ATP6V1A: variants seen among roughly 807,000 people sequenced by gnomAD.
The protein encoded by ATP6V1A is V-type proton ATPase catalytic subunit A.
In ATP6V1A, 18 loss-of-function variants were observed where a neutral mutation model predicts 70.1. That is an observed-to-expected ratio of 0.26 (90% confidence interval 0.18 to 0.38). ATP6V1A has a LOEUF of 0.38. Ranked by LOEUF, ATP6V1A falls within the 10% of genes least tolerant of loss-of-function variation. The pLI is 1.00. For missense variants in ATP6V1A, 424 were observed against 772.4 expected, an observed-to-expected ratio of 0.55 and a Z score of 5.35; for synonymous variants, 232 against 253.8, an observed-to-expected ratio of 0.91 and a Z score of 0.82.
chr3:113,752,264 AGTTT>A (rs1708596194), intron 1 of ATP6V1A, among the ~76,000 whole-genome samples: 1 of 151,906 alleles, frequency 6.6e-6, no homozygotes, highest in Admixed American at 6.6e-5. Flanking sequence ...TTTAGTTCTT[AGTTT>A]AATTTTTTTA....
chr3:113,792,288 CAT>C (rs1252398773), intron 8 of ATP6V1A, among the ~76,000 whole-genome samples: 2 of 151,870 alleles, frequency 1.3e-5, no homozygotes, highest in Non-Finnish European at 2.9e-5. Context: ...CATCCTTAAA[CAT>C]ATATTTTTAC....
intron 1 of ATP6V1A, among the ~76,000 whole-genome samples, chr3:113,769,304 T>G (rs1421579527): frequency 1.3e-5 from 2 of 152,226 alleles, no homozygotes; most frequent in African/African-American, 4.8e-5. Flanking sequence ...TCTAAAAAGA[T>G]TAACAGTGTG....
At chr3:113,763,153 C>T (rs778684770) in intron 1 of ATP6V1A, among the ~76,000 whole-genome samples, 13 of 151,950 alleles carry the variant, frequency 8.6e-5, no homozygotes, top group African/African-American at 2.4e-4. Flanking sequence ...AGTGCAGTGG[C>T]GCAATCTCGG....
intron 1 of ATP6V1A, among the ~76,000 whole-genome samples, chr3:113,766,812 TCGATGG>T (rs2108016385): frequency 6.6e-6 from 1 of 152,268 alleles, no homozygotes; most frequent in African/African-American, 2.4e-5. Context: ...GCCATTGCTT[TCGATGG>T]CAAAACAGCA....
At chr3:113,764,396 A>C (rs2566966) in intron 1 of ATP6V1A, among the ~76,000 whole-genome samples, 123 of 152,358 alleles carry the variant, frequency 8.1e-4, no homozygotes, top group African/African-American at 2.6e-3. Context: ...TGTGTAGCGC[A>C]TAGAAAAATT....
At chr3:113,779,322 T>C (rs1189067537) in intron 2 of ATP6V1A, among the ~76,000 whole-genome samples, 1 of 152,244 alleles carries the variant, frequency 6.6e-6, no homozygotes, top group Non-Finnish European at 1.5e-5. Context: ...CATTATTAAC[T>C]ACCTGTGGGA....
Position 113,784,690 on chromosome 3 carries a change from C to G in ATP6V1A, c.427-6C>G, listed in dbSNP as rs763363734. 1 of 1,613,546 alleles carries G rather than the reference C, an allele frequency of 6.2e-7. No individual in the cohort carries two copies. Among genetic ancestry groups the G allele is most frequent in the South Asian group, 1.1e-5 (1 of 91,000 alleles). Reference sequence around the variant, plus strand: ...CAAATTAAACAGCAAATACATTTATCTCTAGGTTGGTAGTCATATCACTGG... The same window carrying G: ...CAAATTAAACAGCAAATACATTTATGTCTAGGTTGGTAGTCATATCACTGG... On this transcript the variant is annotated splice_region_variant and splice_polypyrimidine_tract_variant and intron_variant, in intron 4 of 14. Coordinates refer to ENST00000273398, the MANE Select transcript of ATP6V1A (RefSeq NM_001690.4).
At chr3:113,759,288 T>G (rs1240099922) in intron 1 of ATP6V1A, among the ~76,000 whole-genome samples, 4 of 61,156 alleles carry the variant, frequency 6.5e-5, no homozygotes, top group Non-Finnish European at 7.5e-5. Flanking sequence ...TAGTTACGGG[T>G]TTTTTTTTTT....
chr3:113,779,427 A>T (rs1708954961), intron 2 of ATP6V1A, among the ~76,000 whole-genome samples: 1 of 152,174 alleles, frequency 6.6e-6, no homozygotes, highest in South Asian at 2.1e-4. Flanking sequence ...TTGTTTTGTT[A>T]TTGAATACTC....
At chr3:113,781,019 A>C (rs748899754) in intron 2 of ATP6V1A, 31 bp from the exon 3 acceptor site, 1 of 1,574,724 alleles carries the variant, frequency 6.4e-7, no homozygotes, top group Non-Finnish European at 8.6e-7. Context: ...TAGAGTCTTA[A>C]GTCATCAAAA....
chr3:113,794,491 T>C (rs1709131383), intron 8 of ATP6V1A, among the ~76,000 whole-genome samples: 1 of 152,212 alleles, frequency 6.6e-6, no homozygotes, highest in Non-Finnish European at 1.5e-5. Flanking sequence ...CTTTACTCTG[T>C]CATTCTGAGC....
chr3:113,771,224 A>G (rs913698167), intron 1 of ATP6V1A, among the ~76,000 whole-genome samples: 5 of 152,224 alleles, frequency 3.3e-5, no homozygotes, highest in African/African-American at 9.6e-5. Context: ...TAAGCATTCA[A>G]TGATGAAGCA....
chr3:113,771,507 C>T (rs908625139), intron 1 of ATP6V1A, among the ~76,000 whole-genome samples: 3 of 148,864 alleles, frequency 2.0e-5, no homozygotes, highest in Non-Finnish European at 3.0e-5. Flanking sequence ...ACGTGATCAC[C>T]GCTTGCTGCA....
At chr3:113,801,937 A>C in intron 12 of ATP6V1A, among the ~76,000 whole-genome samples, 1 of 151,774 alleles carries the variant, frequency 6.6e-6, no homozygotes, top group African/African-American at 2.4e-5. Flanking sequence ...AAAAAACAAA[A>C]CTGGAGACCT....
chr3:113,748,157 C>T (rs1313791508), intron 1 of ATP6V1A, among the ~76,000 whole-genome samples: 4 of 152,108 alleles, frequency 2.6e-5, no homozygotes, highest in Non-Finnish European at 5.9e-5. Context: ...TCCCGGTGCC[C>T]TCTTCAGATT....
intron 1 of ATP6V1A, among the ~76,000 whole-genome samples, chr3:113,755,370 G>A (rs1246760051): frequency 1.1e-4 from 17 of 149,058 alleles, no homozygotes; most frequent in African/African-American, 3.7e-4. Flanking sequence ...TTGGGAGGCC[G>A]ATGCAGGCGG....
intron 1 of ATP6V1A, among the ~76,000 whole-genome samples, chr3:113,751,014 A>G (rs1297618765): frequency 6.6e-6 from 1 of 152,172 alleles, no homozygotes; most frequent in African/African-American, 2.4e-5. Context: ...TTTTCTATAT[A>G]AAGATTTTCC....
chr3:113,787,590 T>C (rs1422103181), intron 6 of ATP6V1A, among the ~76,000 whole-genome samples: 1 of 152,188 alleles, frequency 6.6e-6, no homozygotes, highest in Non-Finnish European at 1.5e-5. Flanking sequence ...CCAAGCAATT[T>C]ATTATGTCAC....
Position 113,810,666 on chromosome 3 carries a change from G to T in ATP6V1A, c.*1239G>T, listed in dbSNP as rs1709331692. The T allele has an allele frequency of 6.6e-6, 1 of 152,222 alleles. No individual in the cohort carries two copies. The highest frequency in any genetic ancestry group is 6.5e-5 in the Admixed American group (1 of 15,284). The allele number at this position is 152,222 out of a possible 1,614,324, so 9.4% of individuals were successfully genotyped here. On this transcript the variant is annotated 3_prime_UTR_variant, in exon 15 of 15. Transcript: ENST00000273398. Reference sequence around the variant, plus strand: ...GTGTGATGGGCAGTAAAATACCAGAGAAGATGTTTAGTAGCAATTAAAGGC... The same window carrying T: ...GTGTGATGGGCAGTAAAATACCAGATAAGATGTTTAGTAGCAATTAAAGGC...
Sources: gnomAD v4.1 joint callset for allele counts (sites outside exome capture counted in the v4.1 genomes callset) on GRCh38, gnomAD v4.1.1 for gene constraint, MANE v1.5 for transcripts, NCBI Gene and HGNC (gene_info 2026-07-23, HGNC 2026-07-21) for gene names.